The following TPRG1 variants were observed in gnomAD, a reference collection of about 807,000 sequenced individuals.
TPRG1 encodes the protein tumor protein p63-regulated gene 1 protein.
A neutral mutation model predicts 29.3 loss-of-function variants in TPRG1; 29 were observed. The ratio of observed to expected loss-of-function variants is 0.99; its 90% CI spans 0.74 to 1.35. TPRG1 has a LOEUF of 1.35. Ranked by LOEUF, TPRG1 falls within the 40% of genes most tolerant of loss-of-function variation. The pLI is 0.00. For synonymous variants in TPRG1, 130 were observed against 116.8 expected, an observed-to-expected ratio of 1.11 and a Z score of -0.73; for missense variants, 327 against 335.0, an observed-to-expected ratio of 0.98 and a Z score of 0.19.
At chr3:189,160,293 A>G (rs1727300137) in intron 5 of TPRG1, among the ~76,000 whole-genome samples, 1 of 152,202 alleles carries the variant, frequency 6.6e-6, no homozygotes. Context: ...CTCACATGGC[A>G]GTGAGGAGGG....
chr3:189,106,792 G>GACTA (rs1719880666), intron 1 of TPRG1, among the ~76,000 whole-genome samples: 1 of 151,978 alleles, frequency 6.6e-6, no homozygotes, highest in African/African-American at 2.4e-5. Context: ...AGGTAGATAA[G>GACTA]ACTAATTATT....
intron 3 of TPRG1, among the ~76,000 whole-genome samples, chr3:189,227,000 A>G (rs1241268124): frequency 1.3e-5 from 2 of 151,878 alleles, no homozygotes; most frequent in Non-Finnish European, 2.9e-5. Context: ...AACTATTGCT[A>G]CTCACTCAAC....
intron 4 of TPRG1, among the ~76,000 whole-genome samples, chr3:189,308,921 G>A (rs909488914): frequency 1.3e-5 from 2 of 152,080 alleles, no homozygotes; most frequent in African/African-American, 4.8e-5. Context: ...AGAGCTGGGG[G>A]ATAATAAATG....
At chr3:189,263,967 T>C (rs1713591706) in intron 4 of TPRG1, among the ~76,000 whole-genome samples, 1 of 152,156 alleles carries the variant, frequency 6.6e-6, no homozygotes, top group Non-Finnish European at 1.5e-5. Context: ...AATGCTCTCT[T>C]TTTAGCTCAT....
chr3:189,250,513 C>CCCCCCCG (rs1553931578), intron 4 of TPRG1, among the ~76,000 whole-genome samples: 5 of 88,750 alleles, frequency 5.6e-5, no homozygotes, highest in African/African-American at 2.4e-4. Context: ...CGCCCCCCCC[C>CCCCCCCG]CCCCACCCAG....
chr3:189,215,425 G>T, intron 3 of TPRG1, 42 bp downstream of exon 3: 1 of 1,509,892 alleles, frequency 6.6e-7, no homozygotes, highest in Non-Finnish European at 9.2e-7. Flanking sequence ...GAAATACAGC[G>T]TTTTCCTTGA....
chr3:189,141,886 T>G (rs1560482326), intron 3 of TPRG1, among the ~76,000 whole-genome samples: 1 of 152,204 alleles, frequency 6.6e-6, no homozygotes, highest in African/African-American at 2.4e-5. Flanking sequence ...GGGCCCTGAC[T>G]GGAGAAGTCA....
chr3:189,061,156 T>C (rs188034274), intron 4 of TPRG1, among the ~76,000 whole-genome samples: 10 of 152,264 alleles, frequency 6.6e-5, no homozygotes, highest in Admixed American at 3.3e-4. Context: ...TTCACAACCA[T>C]TTGATCTTTG....
intron 4 of TPRG1, among the ~76,000 whole-genome samples, chr3:189,308,277 G>A (rs186884983): frequency 2.0e-5 from 3 of 152,208 alleles, no homozygotes; most frequent in East Asian, 1.9e-4. Context: ...CAGGACTCCC[G>A]GACATCCAGC....
intron 3 of TPRG1, among the ~76,000 whole-genome samples, chr3:189,217,066 A>G (rs1040962070): frequency 1.3e-5 from 2 of 152,218 alleles, no homozygotes; most frequent in African/African-American, 4.8e-5. Context: ...GGTTTTATTT[A>G]TATAGAAATA....
chr3:189,282,740 G>A (rs760121501), intron 4 of TPRG1, among the ~76,000 whole-genome samples: 11 of 151,980 alleles, frequency 7.2e-5, no homozygotes, highest in African/African-American at 2.2e-4. Context: ...TTTTCTTTTC[G>A]CATAAAACCA....
intron 4 of TPRG1, among the ~76,000 whole-genome samples, chr3:189,075,932 A>G (rs967653135): frequency 2.0e-5 from 3 of 152,120 alleles, no homozygotes; most frequent in African/African-American, 7.2e-5. Context: ...TTCTCTCTCC[A>G]AAGGCGCTCA....
At chr3:189,173,772 A>G (rs1298945361) in intron 1 of TPRG1, among the ~76,000 whole-genome samples, 1 of 152,070 alleles carries the variant, frequency 6.6e-6, no homozygotes, top group African/African-American at 2.4e-5. Context: ...AGTCCCAAGC[A>G]GAAGCATTAG....
intron 3 of TPRG1, among the ~76,000 whole-genome samples, chr3:189,220,288 A>T (rs959657283): frequency 6.6e-6 from 1 of 151,620 alleles, no homozygotes; most frequent in Non-Finnish European, 1.5e-5. Context: ...TGATATATAT[A>T]TATAGTATAT....
intron 1 of TPRG1, among the ~76,000 whole-genome samples, chr3:189,193,162 G>GTTT (rs1731980251): frequency 1.1e-5 from 1 of 87,130 alleles, no homozygotes; most frequent in East Asian, 4.0e-4. Flanking sequence ...TTGAGATGAG[G>GTTT]TCTTGCTTTG....
At chr3:189,021,478 C>G (rs945003396) in intron 3 of TPRG1, among the ~76,000 whole-genome samples, 9 of 152,108 alleles carry the variant, frequency 5.9e-5, no homozygotes, top group Admixed American at 5.9e-4. Context: ...TTTTATTTCT[C>G]CTTCACTTAT....
At chr3:189,291,122 C>T (rs1467004705) in intron 4 of TPRG1, among the ~76,000 whole-genome samples, 4 of 152,138 alleles carry the variant, frequency 2.6e-5, no homozygotes, top group Admixed American at 6.5e-5. Context: ...AGGATGGTCT[C>T]GATCTCCTGA....
exon 3 of TPRG1, chr3:189,132,546 C>T (rs1429378870): frequency 6.6e-6 from 1 of 152,180 alleles, no homozygotes; most frequent in African/African-American, 2.4e-5. Context: ...GGATGAGTCA[C>T]CATTGCAGCC....
chr3:189,158,187 CT>C (rs1288304281), intron 5 of TPRG1, among the ~76,000 whole-genome samples: 6 of 152,204 alleles, frequency 3.9e-5, no homozygotes, highest in Non-Finnish European at 8.8e-5. Context: ...TATTTCCTGG[CT>C]TTCGAACTGC....
Sources: allele counts gnomAD v4.1 joint callset (sites outside exome capture counted in the v4.1 genomes callset), GRCh38; gene constraint gnomAD v4.1.1; transcripts MANE v1.5; gene names NCBI Gene and HGNC (gene_info 2026-07-23, HGNC 2026-07-21).